Variants in FAM168B observed in about 807,000 individuals in gnomAD.
The protein encoded by FAM168B is family with sequence similarity 168 member B.
Under a neutral mutation model 21.8 loss-of-function variants are expected in FAM168B, and 19 were observed. The observed-to-expected ratio is 0.87, with a 90% CI of 0.61 to 1.28. FAM168B has a LOEUF of 1.28. Among genes scored for constraint, FAM168B ranks in the 50% most tolerant of loss-of-function variants. The probability of loss-of-function intolerance (pLI) is 0.00; values close to 1 mark genes in which losing one functional copy is unlikely to be tolerated. For synonymous variants in FAM168B, 126 were observed against 104.8 expected, an observed-to-expected ratio of 1.20 and a Z score of -1.24; for missense variants, 233 against 263.1, an observed-to-expected ratio of 0.89 and a Z score of 0.79.
rs529766284 is a variant in FAM168B, at chr2:131,085,842, C to T, written c.-11-3185G>A. ...GTACAATGACCACATCCTTCTCCAT[C>T]TGTGCTGTCCCCTACAGCAGCCGCC... On this transcript the variant is annotated intron_variant, in intron 1 of 6. Coordinates refer to ENST00000389915, the MANE Select transcript of FAM168B (RefSeq NM_001009993.4). Among the ~76,000 whole-genome samples the T allele has an allele frequency of 2.5e-4, 38 of 152,358 alleles. No individual in the cohort carries two copies. In the South Asian group the frequency reaches 2.7e-3, roughly 11 times the overall value.
Position 131,051,420 on chromosome 2 carries a change from C to T in FAM168B, c.*1045G>A, listed in dbSNP as rs1691668917. On this transcript the variant is annotated 3_prime_UTR_variant, in exon 7 of 7. Transcript: ENST00000389915. ...ATAACATACAGCTGAAACCTTTGCC[C>T]TTCTTTGTTGGGGAAAAACAGCAAT... is the stretch of plus-strand genomic sequence containing the variant. 1 of 984,848 alleles carries T rather than the reference C, an allele frequency of 1.0e-6. No homozygotes were observed. The highest frequency in any genetic ancestry group is 1.2e-6 in the Non-Finnish European group (1 of 829,862). The allele number at this position is 984,848 out of a possible 1,614,324, so 61.0% of individuals were successfully genotyped here.
intron 1 of FAM168B, among the ~76,000 whole-genome samples, chr2:131,090,872 G>A (rs931418785): frequency 3.9e-5 from 6 of 152,120 alleles, no homozygotes; most frequent in African/African-American, 7.2e-5. Flanking sequence ...TGGGACTACA[G>A]TTGCCTGCCA....
At chr2:131,057,836 A>C (rs1298853678) in intron 3 of FAM168B, among the ~76,000 whole-genome samples, 1 of 150,804 alleles carries the variant, frequency 6.6e-6, no homozygotes, top group South Asian at 2.1e-4. Context: ...TTTTTTTTTT[A>C]TTTTTATTTT....
intron 3 of FAM168B, among the ~76,000 whole-genome samples, chr2:131,067,789 G>A (rs1221223901): frequency 6.6e-6 from 1 of 152,004 alleles, no homozygotes; most frequent in African/African-American, 2.4e-5. Context: ...AGAAAAAGCA[G>A]CAGGAAGGGA....
At chr2:131,059,413 C>A (rs922438094) in intron 3 of FAM168B, among the ~76,000 whole-genome samples, 1 of 152,142 alleles carries the variant, frequency 6.6e-6, no homozygotes, top group Non-Finnish European at 1.5e-5. Context: ...TTTCCCACCA[C>A]CATGCAGCAG....
At chr2:131,055,202 T>C in intron 5 of FAM168B, 70 bp downstream of exon 5, 7 of 1,369,826 alleles carry the variant, frequency 5.1e-6, no homozygotes, top group Non-Finnish European at 6.7e-6. Flanking sequence ...GGTCAGAGGA[T>C]TCGTGAGCTC....
chr2:131,058,672 C>T (rs561159159), intron 3 of FAM168B, among the ~76,000 whole-genome samples: 1 of 152,144 alleles, frequency 6.6e-6, no homozygotes, highest in Non-Finnish European at 1.5e-5. Context: ...AAGCAGAATA[C>T]GCAGATTTTC....
intron 3 of FAM168B, among the ~76,000 whole-genome samples, chr2:131,070,903 T>C (rs1391883449): frequency 1.3e-5 from 2 of 151,920 alleles, no homozygotes; most frequent in African/African-American, 4.8e-5. Flanking sequence ...CTGAGAAAAA[T>C]TCATCTGGGA....
rs1691615853 is a variant in FAM168B, at chr2:131,050,766, T to A, written c.*1699A>T. ...GCAGAATGCTAGTGGGCATCCTCAC[T>A]GGGCGCCAGTGCCCTGACCCAGCTA... On this transcript the variant is annotated 3_prime_UTR_variant, in exon 7 of 7. Transcript: ENST00000389915. 1.0e-6 allele frequency: 1 copy of A among 985,378 alleles called. No homozygotes were observed. The highest frequency in any genetic ancestry group is 1.7e-5 in the African/African-American group (1 of 57,344). 61.0% of individuals were successfully genotyped at this position (985,378 alleles called of 1,614,324 possible). A position where few individuals can be genotyped will look rare whatever the true frequency, so the allele number is the denominator to read the frequency against.
At position 131,052,917 on chromosome 2, in the gene FAM168B, G is replaced by A. The variant is rs1691771382; in HGVS notation, c.574C>T (p.Pro192Ser). The A allele has an allele frequency of 2.6e-6, 4 of 1,559,102 alleles. No individual in the cohort carries two copies. The highest frequency in any genetic ancestry group is 2.4e-5 in the South Asian group (2 of 84,620). ...TTTGCAGGTGATCACCACTGAGGGG[G>A]CACATAGCTGTAAGTGGGCGTTCCT... is the stretch of plus-strand genomic sequence containing the variant. Reference protein sequence around the residue: ...APGTPTYSYVPPQW With the variant: ...APGTPTYSYVSPQW The change falls in exon 6 of 7, where the codon CCC becomes TCC. Residue 192 changes from proline (P) to serine (S), a missense_variant. Coordinates refer to ENST00000389915, the MANE Select transcript of FAM168B (RefSeq NM_001009993.4).
intron 1 of FAM168B, among the ~76,000 whole-genome samples, chr2:131,091,270 A>C (rs1191113964): frequency 8.7e-5 from 13 of 149,106 alleles, no homozygotes; most frequent in Middle Eastern, 3.7e-3. Context: ...ACCCGGGAGG[A>C]GGAGGTTGCA....
At chr2:131,058,870 C>T (rs182279598) in intron 3 of FAM168B, among the ~76,000 whole-genome samples, 12 of 152,192 alleles carry the variant, frequency 7.9e-5, no homozygotes, top group African/African-American at 2.2e-4. Flanking sequence ...ATGCCAATTA[C>T]GCCACAACGA....
chr2:131,083,449 A>C (rs1693523380), intron 1 of FAM168B, among the ~76,000 whole-genome samples: 1 of 152,222 alleles, frequency 6.6e-6, no homozygotes, highest in South Asian at 2.1e-4. Context: ...CTGAGGCACA[A>C]GAATCACTTG....
At chr2:131,055,862 T>C (rs1403157938) in intron 3 of FAM168B, among the ~76,000 whole-genome samples, 167 bp from the exon 4 acceptor site, 1 of 152,146 alleles carries the variant, frequency 6.6e-6, no homozygotes, top group Non-Finnish European at 1.5e-5. Context: ...TCATTCTTAC[T>C]TTGTGTACGT....
At position 131,049,771 on chromosome 2, in the gene FAM168B, AC is replaced by A. The variant is rs1263043687; in HGVS notation, c.*2693del. ...CTCCCAAATTAGGAATGTCAAACAC[AC>A]AAAAAGCAAATTTCTCAGAATGCTC... On this transcript the variant is annotated 3_prime_UTR_variant, in exon 7 of 7. Transcript: ENST00000389915. The A allele has an allele frequency of 7.1e-6, 7 of 985,896 alleles. No individual in the cohort carries two copies. Among genetic ancestry groups the A allele is most frequent in the Non-Finnish European group, 8.4e-6 (7 of 829,940 alleles). 61.1% of individuals were successfully genotyped at this position (985,896 alleles called of 1,614,324 possible). A position where few individuals can be genotyped will look rare whatever the true frequency, so the allele number is the denominator to read the frequency against.
chr2:131,092,959 G>A (rs1051609136), intron 1 of FAM168B, among the ~76,000 whole-genome samples: 2 of 151,982 alleles, frequency 1.3e-5, no homozygotes, highest in African/African-American at 4.8e-5. Flanking sequence ...AACGCCCCGC[G>A]CCGCGAAGCC....
At chr2:131,071,781 C>T in intron 3 of FAM168B, 74 bp downstream of exon 3, 3 of 1,269,294 alleles carry the variant, frequency 2.4e-6, no homozygotes, top group East Asian at 2.3e-5. Context: ...TCTATACCCA[C>T]CCCTCTCAAA....
chr2:131,061,573 GA>G (rs1276817156), intron 3 of FAM168B, among the ~76,000 whole-genome samples: 1 of 152,014 alleles, frequency 6.6e-6, no homozygotes, highest in Non-Finnish European at 1.5e-5. Flanking sequence ...CTGAGGTCAG[GA>G]ATTTGAAACC....
intron 1 of FAM168B, among the ~76,000 whole-genome samples, chr2:131,091,649 A>C (rs79699817): frequency 2.8e-5 from 4 of 144,550 alleles, no homozygotes; most frequent in Non-Finnish European, 6.1e-5. Flanking sequence ...TCCGTCTCAC[A>C]AAAAAAAAAA....
Sources: allele counts gnomAD v4.1 joint callset (sites outside exome capture counted in the v4.1 genomes callset), GRCh38; gene constraint gnomAD v4.1.1; transcripts MANE v1.5; gene names NCBI Gene and HGNC (gene_info 2026-07-23, HGNC 2026-07-21).